The following EIF4G2 variants were observed in gnomAD, a reference collection of about 807,000 sequenced individuals.
The protein encoded by EIF4G2 is eukaryotic translation initiation factor 4 gamma 2, also known as DAP-5.
A neutral mutation model predicts 117.7 loss-of-function variants in EIF4G2; 8 were observed. That is an observed-to-expected ratio of 0.07 (90% confidence interval 0.04 to 0.12). The LOEUF is 0.12. EIF4G2 is among the 10% of genes least tolerant of loss of function. The pLI, the probability that EIF4G2 is intolerant of heterozygous loss-of-function variation, is 1.00. For missense variants in EIF4G2, 812 were observed against 1,086.2 expected (o/e 0.75, Z 3.55); for synonymous variants, 413 against 367.8 (o/e 1.12, Z -1.41).
chr11:10,808,316 C>G (rs1405465092), intron 1 of EIF4G2: 1 of 1,209,894 alleles, frequency 8.3e-7, no homozygotes, highest in Non-Finnish European at 1.0e-6. Flanking sequence ...GCCTGCGGTT[C>G]CCTGGTCCCG....
intron 14 of EIF4G2, 30 bp from the exon 15 acceptor site, chr11:10,801,117 TAAC>T (rs2135408919): frequency 1.9e-6 from 3 of 1,612,836 alleles, no homozygotes; most frequent in Non-Finnish European, 2.5e-6. Flanking sequence ...ATATCTAAAT[TAAC>T]AACATGCAGT....
At chr11:10,798,743 C>T (rs905369426) in intron 21 of EIF4G2, 10 of 349,430 alleles carry the variant, frequency 2.9e-5, no homozygotes, top group African/African-American at 2.1e-4. Flanking sequence ...ACAGTCACTC[C>T]CATGTATATA....
Position 10,797,611 on chromosome 11 carries a change from ACTC to A in EIF4G2, c.*202_*204del, listed in dbSNP as rs1847294019. ...AATATACTATCTAAACATTAAAGAT[ACTC>A]CTAAAATATTTGATGGTAGACTATG... On this transcript the variant is annotated 3_prime_UTR_variant, in exon 22 of 22. Transcript: ENST00000339995. This position sits in a 1 kb window ranked among gnomAD's most constrained non-coding sequence, Gnocchi z 4.5. 3.5e-6 allele frequency: 2 copies of A among 579,352 alleles called. No homozygotes were observed. The highest frequency in any genetic ancestry group is 6.1e-6 in the Non-Finnish European group (2 of 326,710). 35.9% of individuals were successfully genotyped at this position (579,352 alleles called of 1,614,324 possible). A position where few individuals can be genotyped will look rare whatever the true frequency, so the allele number is the denominator to read the frequency against.
At position 10,802,335 on chromosome 11, in the gene EIF4G2, T is replaced by C; in HGVS notation, c.1097A>G (p.Asp366Gly). The C allele has an allele frequency of 6.2e-7, 1 of 1,613,916 alleles. No individual in the cohort carries two copies. The highest frequency in any genetic ancestry group is 1.7e-4 in the Middle Eastern group (1 of 6,060). Residue 366 changes from aspartate (D) to glycine (G), a missense_variant, in exon 12 of 22, where the codon GAC (aspartate) becomes GGC (glycine). Asp to Gly is a moderately conservative substitution (Grantham distance 94). This residue lies in a region of EIF4G2 where 571 missense variants were observed against 642.3 expected (regional missense o/e 0.89). Coordinates refer to ENST00000339995, the MANE Select transcript of EIF4G2 (RefSeq NM_001418.4). ...CATATCAGCAAGTCCTCCAAGTGGG[T>C]CCCTATCCATTTTCATCCTGGGTGG...
chr11:10,800,462 T>C lies in EIF4G2; in HGVS notation c.1830A>G (p.Glu610=). 1 of 1,614,210 alleles carries C rather than the reference T, an allele frequency of 6.2e-7. No individual in the cohort carries two copies. Among genetic ancestry groups the C allele is most frequent in the East Asian group, 2.2e-5 (1 of 44,884 alleles). Residue 610 remains glutamate, a synonymous_variant, in exon 17 of 22, where the codon GAA becomes GAG. Coordinates refer to ENST00000339995, the MANE Select transcript of EIF4G2 (RefSeq NM_001418.4). ...TGAAGTTGTCACTTGTGGCTATCCC[T>C]TCCTGTTTGAGTAAACTGATCAAAG...
In EIF4G2 at chr11:10,801,064, C is replaced by T. The variant is rs143622080; in HGVS notation, c.1437G>A (p.Ser479=). ...GCACTTGATTTTTATTCATTAGGAA[C>T]GACTGAGCAGGCCTCAGGCTAATCT... is the stretch of plus-strand genomic sequence containing the variant. Residue 479 remains serine (S), a synonymous_variant, in exon 15 of 22, where the codon TCG becomes TCA. Coordinates refer to ENST00000339995, the MANE Select transcript of EIF4G2 (RefSeq NM_001418.4). 79 of 1,614,064 alleles carry T rather than the reference C, an allele frequency of 4.9e-5. No individual in the cohort carries two copies. The highest frequency in any genetic ancestry group is 1.6e-4 in the African/African-American group (12 of 75,020).
intron 14 of EIF4G2, chr11:10,801,294 A>G: frequency 1.5e-6 from 1 of 647,492 alleles, no homozygotes; most frequent in Non-Finnish European, 2.6e-6. Context: ...ATACTATTAT[A>G]AATCTTACAT....
At position 10,803,571 on chromosome 11, in the gene EIF4G2, CTCT is replaced by C. The variant is rs1176376014; in HGVS notation, c.719_721del (p.Lys240del). On this transcript the variant is annotated inframe_deletion, in exon 9 of 22. Coordinates refer to ENST00000339995, the MANE Select transcript of EIF4G2 (RefSeq NM_001418.4). The surrounding 1 kb of genome is among the most constrained non-coding windows in gnomAD (Gnocchi z 4.0). Reference sequence around the variant, plus strand: ...CTCTCCCATATCTTTGAGTTGGACTCTCTTCTTCTTTTCCAAAAGCTACAAGAA... The same window carrying C: ...CTCTCCCATATCTTTGAGTTGGACTCTCTTCTTTTCCAAAAGCTACAAGAA... The C allele has an allele frequency of 3.7e-6, 6 of 1,613,772 alleles. No individual in the cohort carries two copies. Among genetic ancestry groups the C allele is most frequent in the East Asian group, 2.2e-5 (1 of 44,882 alleles).
rs1268473506 is a variant in EIF4G2 at position 10,803,006 on chromosome 11, A to T, written c.996+24T>A. The T allele has an allele frequency of 3.1e-6, 5 of 1,601,202 alleles. No homozygotes were observed. In the African/African-American group the frequency reaches 5.4e-5, roughly 17 times the overall value. On this transcript the variant is annotated intron_variant, in intron 11 of 21. Coordinates refer to ENST00000339995, the MANE Select transcript of EIF4G2 (RefSeq NM_001418.4). This position sits in a 1 kb window ranked among gnomAD's most constrained non-coding sequence, Gnocchi z 4.0. ...TCTACACACACAGAGTCTATGTGACAAACAAAACAAAACCCAATCTTACTT... is the reference window on the plus strand; with the variant it reads ...TCTACACACACAGAGTCTATGTGACTAACAAAACAAAACCCAATCTTACTT...
intron 4 of EIF4G2, among the ~76,000 whole-genome samples, 190 bp from the exon 5 acceptor site, chr11:10,805,205 T>C (rs1468798211): frequency 6.6e-6 from 1 of 152,216 alleles, no homozygotes; most frequent in Non-Finnish European, 1.5e-5. Context: ...TGATTTGAAT[T>C]GGACTGGGGG....
At chr11:10,802,884 A>T in intron 11 of EIF4G2, 146 bp downstream of exon 11, 1 of 681,210 alleles carries the variant, frequency 1.5e-6, no homozygotes, top group Non-Finnish European at 2.3e-6. Flanking sequence ...AAAAAAATAA[A>T]AGTGGAAGAC....
At chr11:10,798,709 A>T (rs1028943405) in intron 21 of EIF4G2, 11 of 241,336 alleles carry the variant, frequency 4.6e-5, no homozygotes, top group African/African-American at 2.0e-4. Flanking sequence ...TGATGTTTTT[A>T]AAAAAGCTTA....
Position 10,803,847 on chromosome 11 carries a change from C to A in EIF4G2, c.702+52G>T, listed in dbSNP as rs150488989. 813 of 1,571,306 alleles carry A rather than the reference C, an allele frequency of 5.2e-4. 5 individuals carry two copies. In the East Asian group the frequency reaches 0.016, roughly 32 times the overall value. On this transcript the variant is annotated intron_variant, in intron 8 of 21. Coordinates refer to ENST00000339995, the MANE Select transcript of EIF4G2 (RefSeq NM_001418.4). This position sits in a 1 kb window ranked among gnomAD's most constrained non-coding sequence, Gnocchi z 4.0. ...CTCCCTCTTAGATGAATAATTGACTCATTTCCTCCAAACGACTGACTACAT... is the reference window on the plus strand; with the variant it reads ...CTCCCTCTTAGATGAATAATTGACTAATTTCCTCCAAACGACTGACTACAT...
Position 10,803,671 on chromosome 11 carries a change from ACT to A in EIF4G2, c.703-83_703-82del. The A allele has an allele frequency of 7.7e-7, 1 of 1,304,864 alleles. No homozygotes were observed. The highest frequency in any genetic ancestry group is 1.1e-6 in the Non-Finnish European group (1 of 915,834). 80.8% of individuals were successfully genotyped at this position (1,304,864 alleles called of 1,614,324 possible). On this transcript the variant is annotated intron_variant, in intron 8 of 21. Coordinates refer to ENST00000339995, the MANE Select transcript of EIF4G2 (RefSeq NM_001418.4). The surrounding 1 kb of genome is among the most constrained non-coding windows in gnomAD (Gnocchi z 4.0). ...GTACTTTCTTTCCCTTTATGTTTGC[ACT>A]GACTCATTCACAGTTCCTACAGAAT...
intron 4 of EIF4G2, among the ~76,000 whole-genome samples, chr11:10,805,477 A>G (rs1306242336): frequency 6.6e-6 from 1 of 151,350 alleles, no homozygotes; most frequent in African/African-American, 2.4e-5. Context: ...TTTGAGACAC[A>G]GTCTTGCTCT....
At chr11:10,806,178 T>C (rs1847564063) in intron 3 of EIF4G2, 131 bp from the exon 4 acceptor site, 6 of 1,252,680 alleles carry the variant, frequency 4.8e-6, no homozygotes, top group Non-Finnish European at 6.6e-6. Flanking sequence ...CTCTGGAAAT[T>C]AGTGCTTCTG....
intron 18 of EIF4G2, 56 bp from the exon 19 acceptor site, chr11:10,799,812 G>T: frequency 1.3e-6 from 2 of 1,563,924 alleles, no homozygotes; most frequent in Non-Finnish European, 1.7e-6. Flanking sequence ...AAGTTGTCCT[G>T]TCCAGAGAGC....
intron 4 of EIF4G2, among the ~76,000 whole-genome samples, chr11:10,805,457 A>ATTT (rs34032776): frequency 1.3e-5 from 2 of 148,716 alleles, no homozygotes; most frequent in South Asian, 4.2e-4. Context: ...TTCAAGATAC[A>ATTT]TTTTTTTTTT....
rs1847488131 is a variant in EIF4G2, at chr11:10,803,694, A to C, written c.703-104T>G. ...GCACTGACTCATTCACAGTTCCTAC[A>C]GAATCTAGTATAGGGCTTTCTACCA... On this transcript the variant is annotated intron_variant, in intron 8 of 21. Transcript: ENST00000339995. The surrounding 1 kb of genome is among the most constrained non-coding windows in gnomAD (Gnocchi z 4.0). The C allele has an allele frequency of 8.4e-7, 1 of 1,185,346 alleles. No individual in the cohort carries two copies. The highest frequency in any genetic ancestry group is 1.3e-5 in the South Asian group (1 of 75,542). 73.4% of individuals were successfully genotyped at this position (1,185,346 alleles called of 1,614,324 possible). A position where few individuals can be genotyped will look rare whatever the true frequency, so the allele number is the denominator to read the frequency against.
Sources: gnomAD v4.1 joint callset for allele counts (sites outside exome capture counted in the v4.1 genomes callset) on GRCh38, gnomAD v4.1.1 for gene constraint, gnomAD v4.1.1 regional missense constraint, Gnocchi (gnomAD v3.1) non-coding constraint, MANE v1.5 for transcripts, NCBI Gene and HGNC (gene_info 2026-07-23, HGNC 2026-07-21) for gene names.